The following DYNAP variants were observed in gnomAD, a reference collection of about 807,000 sequenced individuals.
DYNAP encodes the protein dynactin associated protein.
In DYNAP, 7 loss-of-function variants were observed where a neutral mutation model predicts 8.5. That is an observed-to-expected ratio of 0.82 (90% CI 0.47 to 1.54). The LOEUF (loss-of-function observed/expected upper bound fraction) is 1.54. Among genes scored for constraint, DYNAP ranks in the 40% most tolerant of loss-of-function variants. DYNAP has a pLI of 0.01. For missense variants in DYNAP, 256 were observed against 224.3 expected (o/e 1.14, Z -0.90); for synonymous variants, 77 against 77.9 (o/e 0.99, Z 0.06).
At chr18:54,588,180 A>G (rs1910947377), upstream of DYNAP, among the ~76,000 whole-genome samples, 1 of 151,696 alleles carries the variant, frequency 6.6e-6, no homozygotes, top group Non-Finnish European at 1.5e-5. Context: ...GTGATACATT[A>G]GGCACTCAAT....
rs150362771 is a variant in DYNAP at position 54,598,507 on chromosome 18, G to T, written c.*362G>T. 6 of 190,710 alleles carry T rather than the reference G, an allele frequency of 3.1e-5. No homozygotes were observed. The highest frequency in any genetic ancestry group is 1.4e-4 in the South Asian group (1 of 7,340). The allele number at this position is 190,710 out of a possible 1,614,324, so 11.8% of individuals were successfully genotyped here. ...GTATAATCTCCACCTATTCATCTGA[G>T]GACTAAGCTCTGATTTTTCATCTTG... On this transcript the variant is annotated 3_prime_UTR_variant, in exon 3 of 3. Transcript: ENST00000648945.
At chr18:54,579,217 T>C in the DYNAP span, among the ~76,000 whole-genome samples, 25 of 152,228 alleles carry the variant, frequency 1.6e-4, no homozygotes, top group Non-Finnish European at 3.5e-4. Context: ...ACTAAAATGT[T>C]AGTATTTTCT....
At chr18:54,588,021 C>G (rs1910941438), upstream of DYNAP, among the ~76,000 whole-genome samples, 1 of 152,134 alleles carries the variant, frequency 6.6e-6, no homozygotes, top group South Asian at 2.1e-4. Flanking sequence ...AGAACATTCT[C>G]TTTGATTGAA....
At position 54,597,964 on chromosome 18, in the gene DYNAP, CCA is replaced by C. The variant is rs774005095; in HGVS notation, c.377_378del (p.Thr126LysfsTer2). 11 of 1,613,428 alleles carry C rather than the reference CCA, an allele frequency of 6.8e-6. No individual in the cohort carries two copies. Among genetic ancestry groups the C allele is most frequent in the Middle Eastern group, 1.6e-4 (1 of 6,074 alleles). On this transcript the variant is annotated frameshift_variant, in exon 3 of 3. Coordinates refer to ENST00000648945, the MANE Select transcript of DYNAP (RefSeq NM_173629.3). LOFTEE classifies it low-confidence loss of function (END_TRUNC). ...AATTCCTCCATTGTTATCCAGCTATCCACAAATGATGGAGAGTGTGTGACTGT... is the reference window on the plus strand; with the variant it reads ...AATTCCTCCATTGTTATCCAGCTATCCAAATGATGGAGAGTGTGTGACTGT...
At chr18:54,577,631 A>G in the DYNAP span, among the ~76,000 whole-genome samples, 1 of 151,592 alleles carries the variant, frequency 6.6e-6, no homozygotes, top group African/African-American at 2.4e-5. Context: ...ACACAAACAA[A>G]CCAGTATCTT....
chr18:54,596,676 T>G (rs996864027), intron 2 of DYNAP, among the ~76,000 whole-genome samples: 3 of 152,160 alleles, frequency 2.0e-5, no homozygotes, highest in African/African-American at 7.2e-5. Flanking sequence ...AGAACTTAGT[T>G]TCCTTTTGTC....
upstream of DYNAP, among the ~76,000 whole-genome samples, chr18:54,588,435 C>T (rs147588574): frequency 6.0e-3 from 920 of 152,142 alleles, 6 homozygotes; most frequent in Non-Finnish European, 8.9e-3. Flanking sequence ...GAACTCCTGA[C>T]CTCAGGTGAT....
At chr18:54,582,675 T>C in the DYNAP span, among the ~76,000 whole-genome samples, 20 of 152,328 alleles carry the variant, frequency 1.3e-4, no homozygotes, top group African/African-American at 4.6e-4. Flanking sequence ...AAAAATGCTG[T>C]TGTCCCTCTC....
At chr18:54,594,246 C>A (rs2144889290) in intron 1 of DYNAP, among the ~76,000 whole-genome samples, 1 of 152,188 alleles carries the variant, frequency 6.6e-6, no homozygotes. Flanking sequence ...CCAAGAGGAA[C>A]CCAGCAAAAA....
upstream of DYNAP, among the ~76,000 whole-genome samples, chr18:54,584,124 A>G (rs1316349959): frequency 6.6e-6 from 1 of 151,962 alleles, no homozygotes; most frequent in East Asian, 1.9e-4. Flanking sequence ...TTTTTATGGG[A>G]GTGAATATTC....
chr18:54,593,364 C>T (rs1036760134), intron 1 of DYNAP, among the ~76,000 whole-genome samples: 46 of 151,946 alleles, frequency 3.0e-4, no homozygotes, highest in Non-Finnish European at 7.4e-5. Context: ...GTGGCAGTAG[C>T]GGTAGTAATT....
upstream of DYNAP, among the ~76,000 whole-genome samples, chr18:54,585,968 A>C (rs1383612265): frequency 6.6e-6 from 1 of 152,094 alleles, no homozygotes; most frequent in African/African-American, 2.4e-5. Context: ...CAGGGCTATG[A>C]TGTTCCACTG....
In DYNAP at chr18:54,599,121, A is replaced by G. The variant is rs1230363469; in HGVS notation, c.*976A>G. On this transcript the variant is annotated 3_prime_UTR_variant, in exon 3 of 3. Coordinates refer to ENST00000648945, the MANE Select transcript of DYNAP (RefSeq NM_173629.3). ...GTCTCATGTCTCCCTAAAAATATAT[A>G]AAACCAAACTGTACCTTAGCCACTT... 6.6e-6 allele frequency: 1 copy of G among 152,146 alleles called. No individual in the cohort carries two copies. Among genetic ancestry groups the G allele is most frequent in the Non-Finnish European group, 1.5e-5 (1 of 68,028 alleles). The allele number at this position is 152,146 out of a possible 1,614,324, so 9.4% of individuals were successfully genotyped here.
chr18:54,594,742 C>T (rs1282709071), intron 1 of DYNAP, among the ~76,000 whole-genome samples, 197 bp from the exon 2 acceptor site: 1 of 152,100 alleles, frequency 6.6e-6, no homozygotes, highest in African/African-American at 2.4e-5. Context: ...TGAACTAGAA[C>T]TTTAGTAGCC....
At chr18:54,588,937 A>G (rs892947606), upstream of DYNAP, among the ~76,000 whole-genome samples, 2 of 152,256 alleles carry the variant, frequency 1.3e-5, no homozygotes. Flanking sequence ...TTTGGGTTGC[A>G]TGTCAGCATT....
intron 1 of DYNAP, among the ~76,000 whole-genome samples, chr18:54,593,947 A>C (rs566620592): frequency 6.6e-6 from 1 of 151,880 alleles, no homozygotes; most frequent in South Asian, 2.1e-4. Context: ...AAAACAAAAC[A>C]GAACAAAACA....
At chr18:54,590,895 G>C (rs896551417), upstream of DYNAP, among the ~76,000 whole-genome samples, 2 of 152,130 alleles carry the variant, frequency 1.3e-5, no homozygotes, top group Non-Finnish European at 2.9e-5. Flanking sequence ...AGGCTTTTGT[G>C]CTTGAGTAGA....
At chr18:54,590,183 G>T (rs1287660310), upstream of DYNAP, among the ~76,000 whole-genome samples, 1 of 151,978 alleles carries the variant, frequency 6.6e-6, no homozygotes, top group East Asian at 1.9e-4. Flanking sequence ...CCTCCTCCCA[G>T]CCCCTGGCAA....
chr18:54,576,598 A>C, the DYNAP span, among the ~76,000 whole-genome samples: 3 of 151,984 alleles, frequency 2.0e-5, no homozygotes, highest in African/African-American at 7.3e-5. Context: ...CAGGAGTTCG[A>C]GACCAGCCTG....
Sources: gnomAD v4.1 joint callset for allele counts (sites outside exome capture counted in the v4.1 genomes callset) on GRCh38, gnomAD v4.1.1 for gene constraint, MANE v1.5 for transcripts, NCBI Gene and HGNC (gene_info 2026-07-23, HGNC 2026-07-21) for gene names.